Variants in ANKS1B observed in about 807,000 individuals in gnomAD.
The protein encoded by ANKS1B is ankyrin repeat and sterile alpha motif domain-containing protein 1B.
A neutral mutation model predicts 148.3 loss-of-function variants in ANKS1B; 36 were observed. The ratio of observed to expected loss-of-function variants is 0.24; its 90% CI spans 0.19 to 0.32. The LOEUF (loss-of-function observed/expected upper bound fraction) is 0.32, where lower values mean the gene tolerates loss of function less well. Among genes scored for constraint, ANKS1B ranks in the 10% least tolerant of loss-of-function variants. The probability of loss-of-function intolerance (pLI) is 1.00; values close to 1 mark genes in which losing one functional copy is unlikely to be tolerated. For synonymous variants in ANKS1B, 542 were observed against 560.8 expected, an observed-to-expected ratio of 0.97 and a Z score of 0.47; for missense variants, 1,157 against 1,542.6, an observed-to-expected ratio of 0.75 and a Z score of 4.19.
At chr12:99,701,763 A>G (rs1440397051) in intron 8 of ANKS1B, among the ~76,000 whole-genome samples, 1 of 152,098 alleles carries the variant, frequency 6.6e-6, no homozygotes, top group African/African-American at 2.4e-5. Context: ...TTTGATTTTT[A>G]GATCCCACAA....
chr12:99,592,729 G>A (rs1468050233), intron 9 of ANKS1B, among the ~76,000 whole-genome samples: 1 of 152,106 alleles, frequency 6.6e-6, no homozygotes, highest in Non-Finnish European at 1.5e-5. Context: ...CCAAATACGA[G>A]TGAGCAATGG....
intron 12 of ANKS1B, among the ~76,000 whole-genome samples, chr12:99,304,584 T>C (rs1007571236): frequency 2.6e-5 from 4 of 152,178 alleles, no homozygotes; most frequent in African/African-American, 7.2e-5. Context: ...AGAGTTTTGA[T>C]TGAAAAGAAG....
chr12:99,041,568 AT>A (rs954899134), intron 17 of ANKS1B, among the ~76,000 whole-genome samples: 13 of 151,860 alleles, frequency 8.6e-5, no homozygotes, highest in Admixed American at 2.0e-4. Flanking sequence ...TATCCAGGTC[AT>A]TTTTTTCCCC....
At chr12:98,973,896 C>T (rs2099886632) in intron 17 of ANKS1B, among the ~76,000 whole-genome samples, 1 of 149,706 alleles carries the variant, frequency 6.7e-6, no homozygotes, top group African/African-American at 2.5e-5. Context: ...TGTATAGATA[C>T]ATATCACAGG....
At chr12:99,493,746 G>A (rs2096576637) in intron 10 of ANKS1B, among the ~76,000 whole-genome samples, 1 of 152,148 alleles carries the variant, frequency 6.6e-6, no homozygotes, top group South Asian at 2.1e-4. Context: ...TGGGAGTTTA[G>A]TTCTAGATAT....
At chr12:99,177,783 T>C (rs142887046) in intron 14 of ANKS1B, among the ~76,000 whole-genome samples, 406 of 152,346 alleles carry the variant, frequency 2.7e-3, no homozygotes, top group Middle Eastern at 0.014. Context: ...TTTTCACAAG[T>C]GATGACCTTG....
chr12:99,212,363 T>C (rs2083464560), intron 14 of ANKS1B, among the ~76,000 whole-genome samples: 1 of 152,186 alleles, frequency 6.6e-6, no homozygotes, highest in Non-Finnish European at 1.5e-5. Context: ...TAGAGATTTT[T>C]TTTTTTTCAC....
chr12:99,729,526 A>G (rs973077262), intron 8 of ANKS1B, among the ~76,000 whole-genome samples: 1 of 152,028 alleles, frequency 6.6e-6, no homozygotes, highest in Non-Finnish European at 1.5e-5. Context: ...GATATTCTCT[A>G]TTTGATGCAA....
chr12:99,893,824 CT>C (rs972962661), intron 1 of ANKS1B, among the ~76,000 whole-genome samples: 14 of 152,142 alleles, frequency 9.2e-5, no homozygotes, highest in African/African-American at 3.4e-4. Flanking sequence ...TTATTTTGTC[CT>C]TTTTTATGGC....
intron 8 of ANKS1B, among the ~76,000 whole-genome samples, chr12:99,688,166 C>G: frequency 6.6e-6 from 1 of 152,116 alleles, no homozygotes; most frequent in East Asian, 1.9e-4. Context: ...CTCTGAGAAC[C>G]GCTGAGTATT....
intron 1 of ANKS1B, among the ~76,000 whole-genome samples, chr12:99,902,105 T>A (rs1312522785): frequency 6.6e-6 from 1 of 151,814 alleles, no homozygotes; most frequent in Non-Finnish European, 1.5e-5. Flanking sequence ...AAGAAATAAA[T>A]AATGGGAGAA....
intron 12 of ANKS1B, among the ~76,000 whole-genome samples, chr12:99,280,636 C>A (rs532927194): frequency 1.1e-4 from 16 of 152,034 alleles, no homozygotes; most frequent in Non-Finnish European, 1.3e-4. Flanking sequence ...ATGGGTAGGG[C>A]AATCAGTTGA....
rs144126798 is a variant in ANKS1B at position 99,647,425 on chromosome 12, C to T, written c.1272+7642G>A. Among the ~76,000 whole-genome samples, 624 of 152,314 alleles carry T rather than the reference C, an allele frequency of 4.1e-3. 5 individuals carry two copies. The highest frequency in any genetic ancestry group is 0.013 in the African/African-American group (555 of 41,564). On this transcript the variant is annotated intron_variant, in intron 9 of 26. Transcript: ENST00000683438. ...TCTGTTTACCAATTTATCCAATTCT[C>T]TCTTTAAAATAAATGTCTACAACTA...
intron 14 of ANKS1B, among the ~76,000 whole-genome samples, chr12:99,167,121 T>C (rs2077260764): frequency 6.6e-6 from 1 of 152,022 alleles, no homozygotes; most frequent in African/African-American, 2.4e-5. Context: ...AACTGTATCA[T>C]AGGCCTACCC....
chr12:98,802,593 GC>G (rs2099013028), intron 20 of ANKS1B, among the ~76,000 whole-genome samples: 4 of 72,356 alleles, frequency 5.5e-5, no homozygotes, highest in African/African-American at 2.4e-4. Flanking sequence ...TAATGCACAG[GC>G]TTTTTTTTTT....
At chr12:98,887,945 G>A (rs1375056474) in intron 17 of ANKS1B, among the ~76,000 whole-genome samples, 1 of 152,116 alleles carries the variant, frequency 6.6e-6, no homozygotes, top group Non-Finnish European at 1.5e-5. Flanking sequence ...AATAGCATCA[G>A]CATTATGACT....
intron 9 of ANKS1B, among the ~76,000 whole-genome samples, chr12:99,570,697 C>T (rs1426594768): frequency 1.3e-5 from 2 of 149,598 alleles, no homozygotes; most frequent in Non-Finnish European, 3.0e-5. Context: ...AAATGATGAA[C>T]ATTGATGAAG....
chr12:99,951,500 T>A (rs1566068159), intron 1 of ANKS1B, among the ~76,000 whole-genome samples: 1 of 152,178 alleles, frequency 6.6e-6, no homozygotes, highest in African/African-American at 2.4e-5. Context: ...TGATCTTGGT[T>A]GGATTTGGCT....
rs751587161 is a variant in ANKS1B, at chr12:99,226,281, AG to A, written c.2419+18060del. On this transcript the variant is annotated intron_variant, in intron 14 of 26. Transcript: ENST00000683438. Reference sequence around the variant, plus strand: ...TTCTTTCTTTTATTCTTATAATAAAAGTTTGACATCACTATCACAACCATTT... The same window carrying A: ...TTCTTTCTTTTATTCTTATAATAAAATTTGACATCACTATCACAACCATTT... Among the ~76,000 whole-genome samples, 4 of 152,212 alleles carry A rather than the reference AG, an allele frequency of 2.6e-5. No individual in the cohort carries two copies. The East Asian group carries it at 7.7e-4, about 29-fold the overall frequency.
Sources: gnomAD v4.1 joint callset for allele counts (sites outside exome capture counted in the v4.1 genomes callset) on GRCh38, gnomAD v4.1.1 for gene constraint, MANE v1.5 for transcripts, NCBI Gene and HGNC (gene_info 2026-07-23, HGNC 2026-07-21) for gene names.